The following RIPK4 variants were observed in gnomAD, a reference collection of about 807,000 sequenced individuals.
RIPK4 encodes the protein receptor interacting serine/threonine kinase 4, also known as receptor-interacting serine/threonine-protein kinase 4.
In RIPK4, 17 loss-of-function variants were observed where a neutral mutation model predicts 42.9. The observed-to-expected ratio is 0.40, with a 90% confidence interval of 0.27 to 0.59. The LOEUF (loss-of-function observed/expected upper bound fraction) is 0.59. RIPK4 is among the 20% of genes least tolerant of loss of function. The pLI is 0.47. For synonymous variants in RIPK4, 498 were observed against 499.1 expected, an observed-to-expected ratio of 1.00 and a Z score of 0.03; for missense variants, 897 against 1,104.4, an observed-to-expected ratio of 0.81 and a Z score of 2.66.
chr21:41,755,851 A>G lies in RIPK4; in HGVS notation c.474+674T>C, dbSNP rs2061201752. ...ACAAGGAAATACAGCCCTGATGCAAAGGTGATGATGCTAACACCTGCCAAG... is the reference window on the plus strand; with the variant it reads ...ACAAGGAAATACAGCCCTGATGCAAGGGTGATGATGCTAACACCTGCCAAG... On this transcript the variant is annotated intron_variant, in intron 2 of 7. Coordinates refer to ENST00000332512, the MANE Select transcript of RIPK4 (RefSeq NM_020639.3). This position sits in a 1 kb window ranked among gnomAD's most constrained non-coding sequence, Gnocchi z 4.2. Among the ~76,000 whole-genome samples, 1 of 152,244 alleles carries G rather than the reference A, an allele frequency of 6.6e-6. No individual in the cohort carries two copies. The highest frequency in any genetic ancestry group is 1.5e-5 in the Non-Finnish European group (1 of 68,040).
In RIPK4 at chr21:41,751,326, C is replaced by T. The variant is rs931436190; in HGVS notation, c.475-81G>A. On this transcript the variant is annotated intron_variant, in intron 2 of 7. Coordinates refer to ENST00000332512, the MANE Select transcript of RIPK4 (RefSeq NM_020639.3). The surrounding 1 kb of genome is among the most constrained non-coding windows in gnomAD (Gnocchi z 4.5). ...ATGCTTTATCAAAAGCTCCCTTCTGCAATCTCAGAGGGTGGGTGAGAGCTT... is the reference window on the plus strand; with the variant it reads ...ATGCTTTATCAAAAGCTCCCTTCTGTAATCTCAGAGGGTGGGTGAGAGCTT... The T allele has an allele frequency of 1.9e-6, 3 of 1,556,082 alleles. No individual in the cohort carries two copies. The Admixed American group carries it at 5.3e-5, about 27-fold the overall frequency.
chr21:41,766,619 T>C (rs1436982691), intron 1 of RIPK4, among the ~76,000 whole-genome samples: 1 of 152,014 alleles, frequency 6.6e-6, no homozygotes, highest in Non-Finnish European at 1.5e-5. Flanking sequence ...AGGAGCCGCC[T>C]GACCCGGCCC....
At chr21:41,761,807 A>G (rs2061221120) in intron 1 of RIPK4, among the ~76,000 whole-genome samples, 1 of 152,174 alleles carries the variant, frequency 6.6e-6, no homozygotes, top group African/African-American at 2.4e-5. Flanking sequence ...GTTTTCTTTT[A>G]TTTGCCCAAA....
chr21:41,752,474 C>A (rs1427858303), intron 2 of RIPK4, among the ~76,000 whole-genome samples: 1 of 152,198 alleles, frequency 6.6e-6, no homozygotes. Flanking sequence ...CCCTCCTTCT[C>A]TGCAGCCAGG....
rs760533998 is a variant in RIPK4 at position 41,741,515 on chromosome 21, C to G, written c.1678G>C (p.Gly560Arg). Residue 560 changes from glycine to arginine, a missense_variant, in exon 8 of 8, where the codon GGC becomes CGC. Transcript: ENST00000332512. ...TTGCCCTGCAGGCTCACGTCCACGC[C>G]TCGGCGCAGCAGGATGCGCACGATA... is the stretch of plus-strand genomic sequence containing the variant. ...ENIVRILLRRGVDVSLQGKDA... is the reference protein window; with the variant it reads ...ENIVRILLRRRVDVSLQGKDA... 4 of 1,612,566 alleles carry G rather than the reference C, an allele frequency of 2.5e-6. No homozygotes were observed. The Admixed American group carries it at 5.0e-5, about 20-fold the overall frequency.
At chr21:41,764,122 T>C (rs1440018026) in intron 1 of RIPK4, among the ~76,000 whole-genome samples, 1 of 152,152 alleles carries the variant, frequency 6.6e-6, no homozygotes, top group Non-Finnish European at 1.5e-5. Flanking sequence ...AGGCACTTCC[T>C]GTCCCTGGGA....
intron 4 of RIPK4, among the ~76,000 whole-genome samples, chr21:41,748,349 A>G (rs1414734055): frequency 6.6e-6 from 1 of 152,240 alleles, no homozygotes; most frequent in Non-Finnish European, 1.5e-5. Context: ...CACACCACAA[A>G]ATATCATGAG....
At chr21:41,764,783 G>A (rs896063109) in intron 1 of RIPK4, among the ~76,000 whole-genome samples, 1 of 152,200 alleles carries the variant, frequency 6.6e-6, no homozygotes, top group Non-Finnish European at 1.5e-5. Context: ...GCTTCACAAA[G>A]AGCCAGGGTT....
chr21:41,745,618 C>A (rs1370835885), intron 6 of RIPK4, 141 bp downstream of exon 6: 4 of 645,994 alleles, frequency 6.2e-6, no homozygotes, highest in Admixed American at 5.6e-5. Context: ...ACCTACACTT[C>A]TAATGGAGTT....
At chr21:41,745,939 C>A (rs777740678) in intron 5 of RIPK4, 77 bp from the exon 6 acceptor site, 13 of 1,179,828 alleles carry the variant, frequency 1.1e-5, no homozygotes, top group Middle Eastern at 1.9e-4. Context: ...AACGCAGGGC[C>A]CCCACGAGCT....
In RIPK4 at chr21:41,741,750, C is replaced by G. The variant is rs765823437; in HGVS notation, c.1443G>C (p.Arg481Ser). ...GGAGCTCCACGACACCCCGCACCCTCCTCTCCACGGCCATGTGCAACGGGG... is the reference window on the plus strand; with the variant it reads ...GGAGCTCCACGACACCCCGCACCCTGCTCTCCACGGCCATGTGCAACGGGG... The part of the protein sequence containing the change: ...GSTPLHMAVE[R>S]RVRGVVELLL... The change falls in exon 8 of 8, where the codon AGG (arginine) becomes AGC (serine). Residue 481 changes from arginine (R) to serine (S), a missense_variant. Physicochemically the swap from Arg to Ser is moderately radical, Grantham distance 110 (BLOSUM62 -1). Transcript: ENST00000332512. The G allele has an allele frequency of 6.8e-6, 11 of 1,612,188 alleles. No homozygotes were observed. In the Admixed American group the frequency reaches 1.8e-4, roughly 27 times the overall value.
intron 4 of RIPK4, among the ~76,000 whole-genome samples, chr21:41,748,135 C>T (rs1489469911): frequency 6.6e-6 from 1 of 152,216 alleles, no homozygotes; most frequent in African/African-American, 2.4e-5. Flanking sequence ...ACAACACAGA[C>T]GGACACCGGC....
intron 2 of RIPK4, among the ~76,000 whole-genome samples, chr21:41,756,070 TGAGGACCCCACTGCA>T (rs1203311895): frequency 6.6e-6 from 1 of 152,154 alleles, no homozygotes; most frequent in East Asian, 1.9e-4. Context: ...CACAGCACTT[TGAGGACCCCACTGCA>T]GAGGACCCCC....
chr21:41,754,622 C>T (rs529639520), intron 2 of RIPK4, among the ~76,000 whole-genome samples: 24 of 152,324 alleles, frequency 1.6e-4, no homozygotes, highest in Non-Finnish European at 3.4e-4. Flanking sequence ...GAGCTCTCTG[C>T]GTCTCTTGGG....
intron 2 of RIPK4, among the ~76,000 whole-genome samples, chr21:41,752,740 G>C (rs977811929): frequency 1.3e-5 from 2 of 152,212 alleles, no homozygotes; most frequent in Admixed American, 1.3e-4. Context: ...TCAGTGGCTT[G>C]AAAGCCTTCA....
At chr21:41,762,076 C>CG (rs2061222121) in intron 1 of RIPK4, among the ~76,000 whole-genome samples, 1 of 152,210 alleles carries the variant, frequency 6.6e-6, no homozygotes, top group Non-Finnish European at 1.5e-5. Context: ...AATCTCCTAA[C>CG]GGAGTCCACC....
At chr21:41,743,752 G>C (rs1277536626) in intron 7 of RIPK4, 130 bp downstream of exon 7, 7 of 1,205,284 alleles carry the variant, frequency 5.8e-6, no homozygotes, top group African/African-American at 3.0e-5. Flanking sequence ...TTAAGACAGA[G>C]AGAACACAAA....
At chr21:41,758,672 T>A (rs2061212147) in intron 1 of RIPK4, among the ~76,000 whole-genome samples, 1 of 152,258 alleles carries the variant, frequency 6.6e-6, no homozygotes, top group African/African-American at 2.4e-5. Flanking sequence ...AATAAACTTT[T>A]ACTGGAAGAA....
rs3746896 is a variant in RIPK4, at chr21:41,742,174, G to A, written c.1196-177C>T. Among the ~76,000 whole-genome samples the A allele has an allele frequency of 0.044, 6,753 of 152,248 alleles. 439 individuals are homozygous for A. Among genetic ancestry groups the A allele is most frequent in the African/African-American group, 0.14 (6,021 of 41,536 alleles). On this transcript the variant is annotated intron_variant, in intron 7 of 7. Transcript: ENST00000332512. This position sits in a 1 kb window ranked among gnomAD's most constrained non-coding sequence, Gnocchi z 5.1. ...CCTCGTGATTAAGGTCAGTCCTAGC[G>A]GGAGCCCCGGGGCAGGCTGGCGAAT...
Sources: gnomAD v4.1 joint callset for allele counts (sites outside exome capture counted in the v4.1 genomes callset) on GRCh38, gnomAD v4.1.1 for gene constraint, Gnocchi (gnomAD v3.1) non-coding constraint, MANE v1.5 for transcripts, NCBI Gene and HGNC (gene_info 2026-07-23, HGNC 2026-07-21) for gene names.